Variants in DMD observed in about 807,000 individuals in gnomAD.
The protein encoded by DMD is dystrophin, also known as mutant dystrophin.
A neutral mutation model predicts 330.1 loss-of-function variants in DMD; 63 were observed. The observed-to-expected ratio is 0.19, with a 90% confidence interval of 0.16 to 0.24. DMD has a LOEUF of 0.24. DMD is among the 10% of genes least tolerant of loss of function. The pLI, the probability that DMD is intolerant of heterozygous loss-of-function variation, is 1.00. For missense variants in DMD, 3,344 were observed against 2,684.1 expected (o/e 1.25, Z -5.43); for synonymous variants, 1,223 against 959.8 (o/e 1.27, Z -5.07).
chrX:31,661,490 C>T (rs115744468), intron 53 of DMD, among the ~76,000 whole-genome samples: 1,142 of 111,431 alleles, frequency 0.01, 13 homozygotes, highest in African/African-American at 0.036. Flanking sequence ...ATGACCTTGA[C>T]CAGCTTTGCC....
chrX:32,072,261 A>G (rs1315338517), intron 44 of DMD, among the ~76,000 whole-genome samples: 1 of 111,650 alleles, frequency 9.0e-6, no homozygotes, highest in African/African-American at 3.3e-5. Context: ...ATTTGAAGTC[A>G]TTTCTTAATG....
chrX:32,342,715 A>G, intron 40 of DMD: 1 of 269,794 alleles, frequency 3.7e-6, no homozygotes, highest in Non-Finnish European at 6.7e-6. Context: ...TAAAATAATA[A>G]CAGAAAAAAA....
chrX:31,215,143 G>A (rs1396709055), intron 64 of DMD, among the ~76,000 whole-genome samples: 4 of 107,559 alleles, frequency 3.7e-5, no homozygotes, highest in Admixed American at 9.9e-5. Flanking sequence ...GGGTTTCACC[G>A]TGTTAGCCAG....
intron 9 of DMD, among the ~76,000 whole-genome samples, chrX:32,674,831 A>T (rs1472408091): frequency 9.0e-6 from 1 of 111,465 alleles, no homozygotes; most frequent in Admixed American, 9.6e-5. Context: ...TTCTCCTTAA[A>T]TCCATAATAA....
At position 31,209,577 on chromosome X, in the gene DMD, C is replaced by G. The variant is rs778367724; in HGVS notation, c.9484G>C (p.Glu3162Gln). The change falls in exon 65 of 79, where the codon GAG (glutamate) becomes CAG (glutamine). Residue 3162 changes from glutamate (E) to glutamine (Q), a missense_variant. Transcript: ENST00000357033. ...NCLTTIYDRL[E>Q]QEHNNLVNVP... The stretch of plus-strand genomic sequence containing the variant: ...TTGACCAAATTGTTGTGCTCTTGCT[C>G]CAGGCGGTCATAAATAGTGGTCAAA... The G allele has an allele frequency of 8.3e-7, 1 of 1,211,387 alleles. No individual in the cohort carries two copies. The highest frequency in any genetic ancestry group is 3.0e-5 in the East Asian group (1 of 33,848).
intron 63 of DMD, among the ~76,000 whole-genome samples, chrX:31,241,401 T>C (rs188283403): frequency 2.7e-5 from 3 of 111,753 alleles, no homozygotes; most frequent in Non-Finnish European, 5.6e-5. Flanking sequence ...GAGAAATATA[T>C]GCTTATGGTA....
chrX:32,551,558 T>C (rs2049561152), intron 16 of DMD, among the ~76,000 whole-genome samples: 1 of 111,761 alleles, frequency 8.9e-6, no homozygotes, highest in African/African-American at 3.3e-5. Flanking sequence ...GCCAGAAGCA[T>C]TGTGCTTGAA....
At chrX:31,518,092 T>C (rs752916963) in intron 55 of DMD, among the ~76,000 whole-genome samples, 1 of 110,958 alleles carries the variant, frequency 9.0e-6, no homozygotes, top group Admixed American at 9.6e-5. Context: ...TCCTAAACTA[T>C]ATGGGTGCCA....
chrX:31,815,365 G>A (rs1330458617), intron 50 of DMD, among the ~76,000 whole-genome samples: 2 of 109,962 alleles, frequency 1.8e-5, no homozygotes, highest in African/African-American at 6.7e-5. Context: ...CAGGAGAACC[G>A]CTTCAACCCA....
intron 29 of DMD, among the ~76,000 whole-genome samples, chrX:32,412,922 T>C (rs768276377): frequency 9.0e-6 from 1 of 111,083 alleles, no homozygotes; most frequent in African/African-American, 3.3e-5. Context: ...GTCATTATTC[T>C]TCAGTGAAGC....
At chrX:32,204,999 T>A (rs865902962) in intron 44 of DMD, among the ~76,000 whole-genome samples, 553 of 44,186 alleles carry the variant, frequency 0.013, 4 homozygotes, top group African/African-American at 0.046. Context: ...TCTCTCTCTC[T>A]CTCTCTCACA....
At chrX:33,156,148 C>A (rs2048499892) in intron 1 of DMD, among the ~76,000 whole-genome samples, 1 of 111,530 alleles carries the variant, frequency 9.0e-6, no homozygotes, top group African/African-American at 3.3e-5. Flanking sequence ...AAAGGAATAA[C>A]AATAATAATG....
intron 2 of DMD, among the ~76,000 whole-genome samples, chrX:33,008,914 A>ATGTATCTATACG (rs2093472330): frequency 1.2e-5 from 1 of 82,331 alleles, no homozygotes; most frequent in African/African-American, 3.9e-5. Flanking sequence ...ATACTCATAT[A>ATGTATCTATACG]TGTATATATA....
intron 1 of DMD, among the ~76,000 whole-genome samples, chrX:33,251,630 G>A (rs1196718398): frequency 8.9e-6 from 1 of 111,895 alleles, no homozygotes; most frequent in Non-Finnish European, 1.9e-5. Context: ...ACATGCAATA[G>A]ATATATGACC....
chrX:32,910,418 A>C (rs2087120537), intron 2 of DMD, among the ~76,000 whole-genome samples: 1 of 110,946 alleles, frequency 9.0e-6, no homozygotes, highest in Non-Finnish European at 1.9e-5. Flanking sequence ...TCACCCCTAG[A>C]ATGCAATTTC....
At chrX:31,675,570 T>G (rs1030791664) in intron 53 of DMD, among the ~76,000 whole-genome samples, 2 of 110,652 alleles carry the variant, frequency 1.8e-5, no homozygotes, top group African/African-American at 6.6e-5. Flanking sequence ...ACCATGTTGG[T>G]CAGGCCGGTC....
At chrX:31,951,204 A>G (rs1300473698) in intron 45 of DMD, among the ~76,000 whole-genome samples, 1 of 93,273 alleles carries the variant, frequency 1.1e-5, no homozygotes, top group Non-Finnish European at 2.1e-5. Flanking sequence ...TAGATATCTT[A>G]TACATATAAC....
chrX:31,239,869 A>C (rs1341870525), intron 63 of DMD, among the ~76,000 whole-genome samples: 2 of 111,696 alleles, frequency 1.8e-5, no homozygotes, highest in Non-Finnish European at 3.8e-5. Context: ...ATTTCTTTTA[A>C]AGAGTAGCAG....
chrX:32,646,142 A>C (rs2059769979), intron 9 of DMD, among the ~76,000 whole-genome samples: 1 of 111,629 alleles, frequency 9.0e-6, no homozygotes, highest in African/African-American at 3.3e-5. Flanking sequence ...TGAGCTGTAA[A>C]CCTGGCCATA....
Sources: allele counts gnomAD v4.1 joint callset (sites outside exome capture counted in the v4.1 genomes callset), GRCh38; gene constraint gnomAD v4.1.1; transcripts MANE v1.5; gene names NCBI Gene and HGNC (gene_info 2026-07-23, HGNC 2026-07-21).